CDKL1: variants seen among roughly 807,000 people sequenced by gnomAD.
The protein encoded by CDKL1 is cyclin-dependent kinase-like 1.
In CDKL1, 41 loss-of-function variants were observed where a neutral mutation model predicts 42.0. The ratio of observed to expected loss-of-function variants is 0.98; its 90% CI spans 0.76 to 1.27. CDKL1 has a LOEUF of 1.27. CDKL1 is among the 50% of genes most tolerant of loss of function. CDKL1 has a pLI of 0.00. For synonymous variants in CDKL1, 153 were observed against 158.6 expected, an observed-to-expected ratio of 0.96 and a Z score of 0.26; for missense variants, 394 against 428.4, an observed-to-expected ratio of 0.92 and a Z score of 0.71.
chr14:50,335,592 A>C, intron 7 of CDKL1: 1 of 1,535,102 alleles, frequency 6.5e-7, no homozygotes, highest in South Asian at 1.2e-5. Context: ...AATGTCAGGC[A>C]GACAAACAGG....
In CDKL1 at chr14:50,336,329, C is replaced by G. The variant is rs1378489961; in HGVS notation, c.739-1708G>C. On this transcript the variant is annotated intron_variant, in intron 7 of 9. Coordinates refer to ENST00000395834, the MANE Select transcript of CDKL1 (RefSeq NM_004196.7). The stretch of plus-strand genomic sequence containing the variant: ...CTGGGAAGCCATGGGAAGCTTCTTA[C>G]ATTTATGAAACCTGGGTTATTTCTG... 22 of 1,099,420 alleles carry G rather than the reference C, an allele frequency of 2.0e-5. No individual in the cohort carries two copies. In the East Asian group the frequency reaches 6.0e-4, roughly 30 times the overall value. 68.1% of individuals were successfully genotyped at this position (1,099,420 alleles called of 1,614,324 possible).
rs990925167 is a variant in CDKL1, at chr14:50,326,464, G to A, written c.*3610C>T. The stretch of plus-strand genomic sequence containing the variant: ...GAAGCTAAATTACAGATTCATTGAT[G>A]GAGTCAATTATGCAAAGTGGTCAGT... On this transcript the variant is annotated 3_prime_UTR_variant, in exon 10 of 10. Coordinates refer to ENST00000395834, the MANE Select transcript of CDKL1 (RefSeq NM_004196.7). 5.6e-5 allele frequency: 55 copies of A among 985,108 alleles called. No homozygotes were observed. Among genetic ancestry groups the A allele is most frequent in the Non-Finnish European group, 6.6e-5 (55 of 829,812 alleles). The allele number at this position is 985,108 out of a possible 1,614,324, so 61.0% of individuals were successfully genotyped here.
At chr14:50,348,166 T>C (rs1244032313) in intron 3 of CDKL1, among the ~76,000 whole-genome samples, 1 of 152,092 alleles carries the variant, frequency 6.6e-6, no homozygotes, top group East Asian at 1.9e-4. Flanking sequence ...AAAGCGAAAA[T>C]CTAAGCCAGG....
intron 6 of CDKL1, 142 bp downstream of exon 6, chr14:50,340,890 C>T: frequency 1.3e-6 from 1 of 781,362 alleles, no homozygotes; most frequent in Non-Finnish European, 2.0e-6. Context: ...TTAATGGAGT[C>T]ATTTAAATGA....
rs1478168784 is a variant in CDKL1 at position 50,373,125 on chromosome 14, T to C, written c.169-13976A>G. Among the ~76,000 whole-genome samples the C allele has an allele frequency of 4.6e-5, 7 of 152,278 alleles. No individual in the cohort carries two copies. In the South Asian group the frequency reaches 8.3e-4, roughly 18 times the overall value. The stretch of plus-strand genomic sequence containing the variant: ...CATTGAACCTGTAGATTGCTTTGGG[T>C]AGTATGGACATTTTAACAATATTAA... On this transcript the variant is annotated intron_variant, in intron 2 of 9. Coordinates refer to ENST00000395834, the MANE Select transcript of CDKL1 (RefSeq NM_004196.7).
chr14:50,376,955 A>G (rs1315485962), intron 2 of CDKL1, among the ~76,000 whole-genome samples: 1 of 152,246 alleles, frequency 6.6e-6, no homozygotes, highest in East Asian at 1.9e-4. Flanking sequence ...ATGAAAAAAG[A>G]TCTGAAGAAG....
chr14:50,388,289 C>A (rs2035146997), intron 2 of CDKL1, among the ~76,000 whole-genome samples: 1 of 152,224 alleles, frequency 6.6e-6, no homozygotes, highest in African/African-American at 2.4e-5. Context: ...TGCTAGGGAG[C>A]ATTTACATGG....
At chr14:50,389,994 CA>C in intron 2 of CDKL1, 1 of 508,220 alleles carries the variant, frequency 2.0e-6, no homozygotes, top group Admixed American at 2.1e-5. Flanking sequence ...AATGGGATAA[CA>C]ATATCTACCT....
At chr14:50,340,732 T>C (rs970303151) in intron 6 of CDKL1, among the ~76,000 whole-genome samples, 2 of 152,236 alleles carry the variant, frequency 1.3e-5, no homozygotes, top group African/African-American at 4.8e-5. Context: ...GCTAAGCCCT[T>C]ACAGAAATGT....
chr14:50,375,570 G>A lies in CDKL1; in HGVS notation c.169-16421C>T, dbSNP rs112025021. ...ATCAATAGTGGTAAGTCGCTGAGGCGGGCAGATCACAAGGTCAGGTGTTTG... is the reference window on the plus strand; with the variant it reads ...ATCAATAGTGGTAAGTCGCTGAGGCAGGCAGATCACAAGGTCAGGTGTTTG... On this transcript the variant is annotated intron_variant, in intron 2 of 9. Transcript: ENST00000395834. 9.1e-3 allele frequency among the ~76,000 whole-genome samples: 1,380 copies of A among 152,246 alleles called. 23 individuals carry two copies. Among genetic ancestry groups the A allele is most frequent in the African/African-American group, 0.031 (1,306 of 41,546 alleles).
intron 5 of CDKL1, among the ~76,000 whole-genome samples, chr14:50,341,615 C>CA (rs1355540921): frequency 2.0e-5 from 3 of 151,390 alleles, no homozygotes; most frequent in Non-Finnish European, 4.4e-5. Flanking sequence ...CCCGTCTCTA[C>CA]AAAAAAAATA....
chr14:50,356,996 G>A (rs563280793), intron 3 of CDKL1: 1 of 152,138 alleles, frequency 6.6e-6, no homozygotes, highest in Non-Finnish European at 1.5e-5. Context: ...CCACAAATCA[G>A]TGTTCCCAAG....
intron 9 of CDKL1, 134 bp downstream of exon 9, chr14:50,332,128 T>TTGA (rs748723139): frequency 6.2e-7 from 1 of 1,609,548 alleles, no homozygotes; most frequent in Non-Finnish European, 8.5e-7. Flanking sequence ...GGGGCCCTGG[T>TTGA]TGATAGATCC....
chr14:50,368,586 G>A (rs921725263), intron 2 of CDKL1, among the ~76,000 whole-genome samples: 10 of 152,058 alleles, frequency 6.6e-5, no homozygotes, highest in African/African-American at 2.2e-4. Context: ...TTCAAATACT[G>A]ATGTTCCATA....
intron 3 of CDKL1, among the ~76,000 whole-genome samples, chr14:50,346,865 T>C (rs1282694095): frequency 6.6e-6 from 1 of 151,968 alleles, no homozygotes; most frequent in Non-Finnish European, 1.5e-5. Context: ...ACCAGGCTGG[T>C]CTCAAACCCC....
At position 50,329,240 on chromosome 14, in the gene CDKL1, A is replaced by G. The variant is rs1044784352; in HGVS notation, c.*834T>C. The G allele has an allele frequency of 1.5e-4, 23 of 152,136 alleles. No individual in the cohort carries two copies. The highest frequency in any genetic ancestry group is 5.1e-4 in the African/African-American group (21 of 41,424). 9.4% of individuals were successfully genotyped at this position (152,136 alleles called of 1,614,324 possible). On this transcript the variant is annotated 3_prime_UTR_variant, in exon 10 of 10. Coordinates refer to ENST00000395834, the MANE Select transcript of CDKL1 (RefSeq NM_004196.7). The stretch of plus-strand genomic sequence containing the variant: ...TGTACCAGGTCAAAGGCTGTGCCAG[A>G]GAGAATGAAATACTAATTATTTTCA...
rs58307197 is a variant in CDKL1, at chr14:50,360,786, TTGTGTGTG to T, written c.169-1645_169-1638del. The stretch of plus-strand genomic sequence containing the variant: ...GGTGGAATGATAGACGTGTGTGTGT[TTGTGTGTG>T]TGTGTGTGTGTGTGTGTGTGTGTGT... On this transcript the variant is annotated intron_variant, in intron 2 of 9. Coordinates refer to ENST00000395834, the MANE Select transcript of CDKL1 (RefSeq NM_004196.7). Among the ~76,000 whole-genome samples the T allele has an allele frequency of 9.9e-3, 1,437 of 144,666 alleles. 21 individuals are homozygous for T. Among genetic ancestry groups the T allele is most frequent in the African/African-American group, 0.032 (1,238 of 38,792 alleles). 94.9% of individuals were successfully genotyped at this position (144,666 alleles called of 152,430 possible).
chr14:50,387,974 G>A (rs183809024), intron 2 of CDKL1, among the ~76,000 whole-genome samples: 31 of 152,134 alleles, frequency 2.0e-4, no homozygotes, highest in African/African-American at 4.8e-4. Context: ...TCGACTCACC[G>A]CCACCTCCAC....
chr14:50,340,968 C>T (rs2033493677), intron 6 of CDKL1, 64 bp downstream of exon 6: 14 of 1,570,810 alleles, frequency 8.9e-6, no homozygotes, highest in Admixed American at 3.5e-5. Flanking sequence ...GAACTTGGCT[C>T]TGCCCTGCCC....
Sources: allele counts gnomAD v4.1 joint callset (sites outside exome capture counted in the v4.1 genomes callset), GRCh38; gene constraint gnomAD v4.1.1; transcripts MANE v1.5; gene names NCBI Gene and HGNC (gene_info 2026-07-23, HGNC 2026-07-21).